Variants in CDH13 observed in about 807,000 individuals in gnomAD.
CDH13 encodes the protein cadherin 13.
Under a neutral mutation model 63.8 loss-of-function variants are expected in CDH13, and 24 were observed. That is an observed-to-expected ratio of 0.38 (90% CI 0.27 to 0.53). CDH13 has a LOEUF of 0.53. CDH13 is among the 20% of genes least tolerant of loss of function. CDH13 has a pLI of 0.85. For synonymous variants in CDH13, 503 were observed against 355.3 expected, an observed-to-expected ratio of 1.42 and a Z score of -4.67; for missense variants, 1,049 against 903.1, an observed-to-expected ratio of 1.16 and a Z score of -2.07.
chr16:82,943,188 C>G lies in CDH13; in HGVS notation c.157+84715C>G, dbSNP rs553789183. Among the ~76,000 whole-genome samples the G allele has an allele frequency of 3.0e-3, 464 of 152,244 alleles. 2 individuals carry two copies. Among genetic ancestry groups the G allele is most frequent in the African/African-American group, 0.01 (421 of 41,548 alleles). ...TCCCACTTACTGAGCTTCCATTCTT[C>G]CATTCTGATTGTCTCTGTTACAGAC... On this transcript the variant is annotated intron_variant, in intron 2 of 13. Transcript: ENST00000567109.
rs890304024 is a variant in CDH13, at chr16:83,380,994, C to G, written c.781+35988C>G. On this transcript the variant is annotated intron_variant, in intron 6 of 13. Coordinates refer to ENST00000567109, the MANE Select transcript of CDH13 (RefSeq NM_001257.5). ...GTATATAACCTTCTTGTCTATGTTT[C>G]TATAATTAAATAACTATGTTCCTAT... Among the ~76,000 whole-genome samples, 10 of 152,136 alleles carry G rather than the reference C, an allele frequency of 6.6e-5. No individual in the cohort carries two copies. The South Asian group carries it at 2.1e-3, about 32-fold the overall frequency.
chr16:83,570,971 A>ATATATATATATATATATATATATATATAT (rs57205262), intron 7 of CDH13, among the ~76,000 whole-genome samples: 1 of 117,282 alleles, frequency 8.5e-6, no homozygotes, highest in African/African-American at 3.3e-5. Context: ...ATATATATAT[A>ATATATATATATATATATATATATATATAT]AAAACCTTCT....
At chr16:83,043,015 A>T (rs918355162) in intron 3 of CDH13, among the ~76,000 whole-genome samples, 5 of 152,214 alleles carry the variant, frequency 3.3e-5, no homozygotes, top group African/African-American at 1.2e-4. Flanking sequence ...GTATCCATTT[A>T]ACTGTCACCT....
At chr16:82,672,397 C>T (rs761636102) in intron 1 of CDH13, among the ~76,000 whole-genome samples, 11 of 152,160 alleles carry the variant, frequency 7.2e-5, no homozygotes, top group Admixed American at 4.6e-4. Context: ...GTATGCACCA[C>T]CACCTTAAAC....
In CDH13 at chr16:83,475,694, A is replaced by G. The variant is rs552659305; in HGVS notation, c.782-10783A>G. On this transcript the variant is annotated intron_variant, in intron 6 of 13. Transcript: ENST00000567109. ...CCTCTCGTGTTCAAGCAGTTCTCAC[A>G]CCTCAGCCTCCCCAGTAACTAGGAT... Among the ~76,000 whole-genome samples the G allele has an allele frequency of 1.3e-3, 204 of 152,068 alleles. 4 individuals are homozygous for G. In the South Asian group the frequency reaches 0.039, roughly 29 times the overall value.
intron 2 of CDH13, among the ~76,000 whole-genome samples, chr16:82,992,718 T>C (rs1216934429): frequency 6.6e-6 from 1 of 152,184 alleles, no homozygotes; most frequent in African/African-American, 2.4e-5. Context: ...AAAGTTACTA[T>C]GTGGTTCTTG....
intron 5 of CDH13, among the ~76,000 whole-genome samples, chr16:83,271,424 A>AAAAAAAAAAAAC (rs2088808381): frequency 8.9e-6 from 1 of 112,484 alleles, no homozygotes; most frequent in African/African-American, 3.9e-5. Flanking sequence ...AGAGTTCATA[A>AAAAAAAAAAAAC]AAAAAAAAAA....
intron 2 of CDH13, among the ~76,000 whole-genome samples, chr16:82,933,763 G>C (rs1308962231): frequency 6.6e-6 from 1 of 152,184 alleles, no homozygotes; most frequent in Non-Finnish European, 1.5e-5. Context: ...CCAAAACATA[G>C]GGGCTACAGG....
rs553357206 is a variant in CDH13 at position 83,222,430 on chromosome 16, A to G, written c.636+4933A>G. On this transcript the variant is annotated intron_variant, in intron 5 of 13. Transcript: ENST00000567109. ...TGAAAGCTGCTGCCGTCATGCGGAAATAGGTGTATCATAATGTCAGTGCTT... is the reference window on the plus strand; with the variant it reads ...TGAAAGCTGCTGCCGTCATGCGGAAGTAGGTGTATCATAATGTCAGTGCTT... Among the ~76,000 whole-genome samples, 87 of 152,364 alleles carry G rather than the reference A, an allele frequency of 5.7e-4. No individual in the cohort carries two copies. In the South Asian group the frequency reaches 0.017, roughly 30 times the overall value.
intron 6 of CDH13, among the ~76,000 whole-genome samples, chr16:83,384,129 C>T (rs111753097): frequency 2.6e-5 from 4 of 152,172 alleles, no homozygotes; most frequent in Non-Finnish European, 5.9e-5. Flanking sequence ...CTGATATCTC[C>T]AATTCCAATC....
At chr16:83,166,691 A>T (rs1263473624) in intron 4 of CDH13, among the ~76,000 whole-genome samples, 2 of 152,154 alleles carry the variant, frequency 1.3e-5, no homozygotes, top group African/African-American at 4.8e-5. Context: ...TCTCATGTTT[A>T]CACTAACTTT....
chr16:83,285,879 T>G, intron 5 of CDH13, among the ~76,000 whole-genome samples: 1 of 152,194 alleles, frequency 6.6e-6, no homozygotes, highest in South Asian at 2.1e-4. Flanking sequence ...CTACTCATTG[T>G]GGCCAGGCAT....
chr16:82,975,352 C>A (rs1203611568), intron 2 of CDH13, among the ~76,000 whole-genome samples: 1 of 152,142 alleles, frequency 6.6e-6, no homozygotes, highest in Admixed American at 6.5e-5. Context: ...AAGAGAGGGC[C>A]CCAGACAGTG....
chr16:83,576,441 C>G (rs1037540959), intron 7 of CDH13, among the ~76,000 whole-genome samples: 17 of 152,328 alleles, frequency 1.1e-4, no homozygotes, highest in Admixed American at 7.8e-4. Context: ...TTTCTACCTT[C>G]TGGCTAATGT....
At chr16:82,746,114 A>T (rs924876398) in intron 1 of CDH13, among the ~76,000 whole-genome samples, 8 of 150,734 alleles carry the variant, frequency 5.3e-5, no homozygotes, top group African/African-American at 1.9e-4. Flanking sequence ...ATATATACAT[A>T]CATTTTATAT....
In CDH13 at chr16:82,918,506, C is replaced by CTTT. The variant is rs34099579; in HGVS notation, c.157+60051_157+60053dup. On this transcript the variant is annotated intron_variant, in intron 2 of 13. Transcript: ENST00000567109. ...GGGTCAAAAGGTATGTACACTTTCACTTTTTTTTTTTTTTTTTTTTGAGAC... is the reference window on the plus strand; with the variant it reads ...GGGTCAAAAGGTATGTACACTTTCACTTTTTTTTTTTTTTTTTTTTTTTGAGAC... Among the ~76,000 whole-genome samples the CTTT allele has an allele frequency of 7.5e-5, 9 of 119,706 alleles. 1 individual carries two copies. The highest frequency in any genetic ancestry group is 1.1e-4 in the Non-Finnish European group (6 of 56,052). The allele number at this position is 119,706 out of a possible 152,430, so 78.5% of individuals were successfully genotyped here. A position where few individuals can be genotyped will look rare whatever the true frequency, so the allele number is the denominator to read the frequency against.
At chr16:83,154,761 T>C (rs74031405) in intron 4 of CDH13, among the ~76,000 whole-genome samples, 71 of 152,294 alleles carry the variant, frequency 4.7e-4, no homozygotes, top group African/African-American at 1.4e-3. Flanking sequence ...CTGTGTACCA[T>C]TGGCCTTTAA....
intron 1 of CDH13, among the ~76,000 whole-genome samples, chr16:82,706,853 G>C (rs1187256071): frequency 3.9e-5 from 6 of 152,130 alleles, no homozygotes; most frequent in Admixed American, 2.6e-4. Context: ...TTTAATGTGA[G>C]AATGTTCTCA....
intron 10 of CDH13, among the ~76,000 whole-genome samples, chr16:83,746,683 C>A (rs1004692726): frequency 6.6e-6 from 1 of 152,120 alleles, no homozygotes; most frequent in African/African-American, 2.4e-5. Context: ...TGTAAAGATT[C>A]CCATGTCACT....
Sources: allele counts gnomAD v4.1 joint callset (sites outside exome capture counted in the v4.1 genomes callset), GRCh38; gene constraint gnomAD v4.1.1; transcripts MANE v1.5; gene names NCBI Gene and HGNC (gene_info 2026-07-23, HGNC 2026-07-21).